Variants in ADGRL1 observed in about 807,000 individuals in gnomAD.
ADGRL1 encodes the protein adhesion G protein-coupled receptor L1, also known as CIRL-1.
Under a neutral mutation model 148.9 loss-of-function variants are expected in ADGRL1, and 31 were observed. That is an observed-to-expected ratio of 0.21 (90% CI 0.16 to 0.28). The LOEUF (loss-of-function observed/expected upper bound fraction) is 0.28, where lower values mean the gene tolerates loss of function less well. ADGRL1 is among the 10% of genes least tolerant of loss of function. ADGRL1 has a pLI of 1.00. For missense variants in ADGRL1, 1,521 were observed against 2,058.8 expected, an observed-to-expected ratio of 0.74 and a Z score of 5.05; for synonymous variants, 937 against 900.3, an observed-to-expected ratio of 1.04 and a Z score of -0.73.
intron 1 of ADGRL1, among the ~76,000 whole-genome samples, chr19:14,199,353 G>A (rs998625744): frequency 1.1e-4 from 16 of 152,124 alleles, no homozygotes; most frequent in Admixed American, 8.5e-4. Flanking sequence ...ATTCTATAGC[G>A]TACCAGTGTT....
chr19:14,151,955 C>T (rs1968243090), intron 22 of ADGRL1, among the ~76,000 whole-genome samples, 178 bp downstream of exon 22: 1 of 152,170 alleles, frequency 6.6e-6, no homozygotes, highest in Admixed American at 6.5e-5. Flanking sequence ...AGCCCAAACT[C>T]AATGAACACC....
In ADGRL1 at chr19:14,157,840, C is replaced by CA. The variant is rs768425290; in HGVS notation, c.2535+41dup. ...AGGATGCCATGCAAAGCCAGGCCAG[C>CA]AATCGGGCCTGCCTGGAGGAGCAGA... On this transcript the variant is annotated intron_variant, in intron 13 of 22. Transcript: ENST00000361434. This position sits in a 1 kb window ranked among gnomAD's most constrained non-coding sequence, Gnocchi z 7.5. The CA allele has an allele frequency of 1.2e-6, 2 of 1,604,226 alleles. No individual in the cohort carries two copies. The highest frequency in any genetic ancestry group is 2.7e-5 in the African/African-American group (2 of 74,746).
chr19:14,160,072 G>T lies in ADGRL1; in HGVS notation c.1800+40C>A. The T allele has an allele frequency of 6.5e-7, 1 of 1,533,692 alleles. No individual in the cohort carries two copies. Among genetic ancestry groups the T allele is most frequent in the Non-Finnish European group, 8.8e-7 (1 of 1,135,554 alleles). On this transcript the variant is annotated intron_variant, in intron 8 of 22. Transcript: ENST00000361434. The surrounding 1 kb of genome is among the most constrained non-coding windows in gnomAD (Gnocchi z 5.9). ...ACTTCCCAAGCCCCTGGGGGCAGGC[G>T]CCCTCCCCATACCAGGTCAGCGCCA...
Position 14,155,642 on chromosome 19 carries a change from A to G in ADGRL1, c.3126-115T>C. The G allele has an allele frequency of 9.0e-7, 1 of 1,113,762 alleles. No homozygotes were observed. 69.0% of individuals were successfully genotyped at this position (1,113,762 alleles called of 1,614,324 possible). A position where few individuals can be genotyped will look rare whatever the true frequency, so the allele number is the denominator to read the frequency against. On this transcript the variant is annotated intron_variant, in intron 17 of 22. Coordinates refer to ENST00000361434, the MANE Select transcript of ADGRL1 (RefSeq NM_014921.5). This position sits in a 1 kb window ranked among gnomAD's most constrained non-coding sequence, Gnocchi z 5.0. Reference sequence around the variant, plus strand: ...TGGGTGGGCCTGGGCACTGTCTGCAAAGCCCTGAGCGGGCCGAGTGGGCCT... The same window carrying G: ...TGGGTGGGCCTGGGCACTGTCTGCAGAGCCCTGAGCGGGCCGAGTGGGCCT...
Position 14,161,766 on chromosome 19 carries a change from G to T in ADGRL1, c.1196-140C>A. ...ACGTGCCGGGCCCCACTGGGTCTAT[G>T]AGTTGATCTCCCCTGGCCGCTCTGT... On this transcript the variant is annotated intron_variant, in intron 5 of 22. Transcript: ENST00000361434. This position sits in a 1 kb window ranked among gnomAD's most constrained non-coding sequence, Gnocchi z 4.4. The T allele has an allele frequency of 1.8e-6, 1 of 555,182 alleles. No homozygotes were observed. Among genetic ancestry groups the T allele is most frequent in the Non-Finnish European group, 2.8e-6 (1 of 351,694 alleles). The allele number at this position is 555,182 out of a possible 1,614,324, so 34.4% of individuals were successfully genotyped here.
intron 1 of ADGRL1, among the ~76,000 whole-genome samples, chr19:14,197,830 ATTTG>A (rs1972359394): frequency 6.6e-6 from 1 of 152,050 alleles, no homozygotes; most frequent in Non-Finnish European, 1.5e-5. Context: ...ATGCTTATTC[ATTTG>A]TTTAATGAAT....
At chr19:14,196,059 C>G (rs975961177) in intron 1 of ADGRL1, among the ~76,000 whole-genome samples, 10 of 152,302 alleles carry the variant, frequency 6.6e-5, no homozygotes, top group Admixed American at 2.6e-4. Context: ...TTCTCTGGTC[C>G]AGCCCCATCA....
At chr19:14,203,363 G>A (rs10401162) in intron 1 of ADGRL1, among the ~76,000 whole-genome samples, 8,817 of 152,204 alleles carry the variant, frequency 0.058, 468 homozygotes, top group African/African-American at 0.14. Flanking sequence ...GGGGATGGCA[G>A]TGCTCCCACT....
chr19:14,156,143 A>G lies in ADGRL1; in HGVS notation c.3092T>C (p.Leu1031Pro). Residue 1031 changes from leucine to proline, a missense_variant, in exon 17 of 23, where the codon CTC becomes CCC. Transcript: ENST00000361434. Reference sequence around the variant, plus strand: ...GTCCAGGCGGCTGGAGTCGGGCTTGAGCACAGATGAGCTTCGGATCATCTT... The same window carrying G: ...GTCCAGGCGGCTGGAGTCGGGCTTGGGCACAGATGAGCTTCGGATCATCTT... ...LHKMIRSSSV[L>P]KPDSSRLDNI... The G allele has an allele frequency of 6.2e-7, 1 of 1,612,270 alleles. No individual in the cohort carries two copies.
intron 1 of ADGRL1, among the ~76,000 whole-genome samples, chr19:14,184,646 AT>A (rs368698858): frequency 1.1e-4 from 11 of 97,732 alleles, no homozygotes; most frequent in African/African-American, 4.6e-4. Flanking sequence ...TTATTTATTT[AT>A]TTTTTTTTCT....
chr19:14,155,484 G>C lies in ADGRL1; in HGVS notation c.3169C>G (p.Leu1057Val), dbSNP rs941139291. The C allele has an allele frequency of 6.2e-7, 1 of 1,614,042 alleles. No individual in the cohort carries two copies. Among genetic ancestry groups the C allele is most frequent in the Non-Finnish European group, 8.5e-7 (1 of 1,179,982 alleles). The change falls in exon 18 of 23, where the codon CTC becomes GTC. Residue 1057 changes from leucine (L) to valine (V), a missense_variant. This residue lies in a region of ADGRL1 where 185 missense variants were observed against 251.7 expected (regional missense o/e 0.74). Coordinates refer to ENST00000361434, the MANE Select transcript of ADGRL1 (RefSeq NM_014921.5). The surrounding 1 kb of genome is among the most constrained non-coding windows in gnomAD (Gnocchi z 5.0). ...GAIALLFLLG[L>V]TWAFGLLFIN... is the part of the protein sequence containing the mutation. Reference sequence around the variant, plus strand: ...AAGAGGAGGCCGAAAGCCCAGGTGAGGCCCAGCAGGAACAGCAGCGCGATG... The same window carrying C: ...AAGAGGAGGCCGAAAGCCCAGGTGACGCCCAGCAGGAACAGCAGCGCGATG...
chr19:14,204,298 G>GCC (rs1479021694), intron 1 of ADGRL1, among the ~76,000 whole-genome samples: 1 of 152,074 alleles, frequency 6.6e-6, no homozygotes, highest in Admixed American at 6.6e-5. Flanking sequence ...GAAGTCACCT[G>GCC]CCCCCCAAAG....
chr19:14,191,642 C>T (rs867238466), intron 1 of ADGRL1: 1 of 371,904 alleles, frequency 2.7e-6, no homozygotes, highest in Non-Finnish European at 5.4e-6. Context: ...TATATCCTCA[C>T]AGGGCCTCTT....
intron 1 of ADGRL1, among the ~76,000 whole-genome samples, chr19:14,199,539 C>T (rs1440644467): frequency 6.6e-6 from 1 of 151,902 alleles, no homozygotes; most frequent in African/African-American, 2.4e-5. Context: ...ATCCTCCTGC[C>T]TCAGCCTCCC....
At position 14,152,947 on chromosome 19, in the gene ADGRL1, C is replaced by G. The variant is rs1297017549; in HGVS notation, c.3295-35G>C. On this transcript the variant is annotated intron_variant, in intron 18 of 22. Coordinates refer to ENST00000361434, the MANE Select transcript of ADGRL1 (RefSeq NM_014921.5). The surrounding 1 kb of genome is among the most constrained non-coding windows in gnomAD (Gnocchi z 6.1). ...GGAGGACAGTCAGCTGGCTGGGACA[C>G]TGGCCTCCTCTGTGATCCAGTCTCC... 6 of 1,608,188 alleles carry G rather than the reference C, an allele frequency of 3.7e-6. No individual in the cohort carries two copies. Among genetic ancestry groups the G allele is most frequent in the Non-Finnish European group, 5.1e-6 (6 of 1,177,710 alleles).
At chr19:14,182,622 CATCT>C (rs925820229) in intron 2 of ADGRL1, among the ~76,000 whole-genome samples, 3 of 152,140 alleles carry the variant, frequency 2.0e-5, no homozygotes, top group Non-Finnish European at 4.4e-5. Flanking sequence ...TCTGCCTCCT[CATCT>C]AATTTTAGCC....
rs968689891 is a variant in ADGRL1, at chr19:14,148,722, A to G, written c.*2151T>C. On this transcript the variant is annotated 3_prime_UTR_variant, in exon 23 of 23. Transcript: ENST00000361434. Reference sequence around the variant, plus strand: ...ATGGGTTAGGCCTTTCTACCAGAAAAAGCCAGAGTTGGAACCCAACCCCAC... The same window carrying G: ...ATGGGTTAGGCCTTTCTACCAGAAAGAGCCAGAGTTGGAACCCAACCCCAC... 1.1e-4 allele frequency: 17 copies of G among 152,660 alleles called. No individual in the cohort carries two copies. The highest frequency in any genetic ancestry group is 2.4e-4 in the African/African-American group (10 of 41,422). 9.5% of individuals were successfully genotyped at this position (152,660 alleles called of 1,614,324 possible).
rs773538387 is a variant in ADGRL1, at chr19:14,150,679, CCT to C, written c.*192_*193del. On this transcript the variant is annotated 3_prime_UTR_variant, in exon 23 of 23. Transcript: ENST00000361434. Reference sequence around the variant, plus strand: ...CTGGTGCGTGTGGCTGGTGGGAAACCCTGTCTGTGAACCCTGGCACCTCAGGC... The same window carrying C: ...CTGGTGCGTGTGGCTGGTGGGAAACCGTCTGTGAACCCTGGCACCTCAGGC... 4.2e-5 allele frequency: 26 copies of C among 624,764 alleles called. No homozygotes were observed. The highest frequency in any genetic ancestry group is 5.9e-5 in the Non-Finnish European group (22 of 371,434). 38.7% of individuals were successfully genotyped at this position (624,764 alleles called of 1,614,324 possible). A position where few individuals can be genotyped will look rare whatever the true frequency, so the allele number is the denominator to read the frequency against.
intron 1 of ADGRL1, chr19:14,191,317 C>G: frequency 2.2e-6 from 1 of 456,722 alleles, no homozygotes; most frequent in Non-Finnish European, 4.4e-6. Context: ...CCTGCCTGTG[C>G]ATCCCTTGCC....
Sources: gnomAD v4.1 joint callset for allele counts (sites outside exome capture counted in the v4.1 genomes callset) on GRCh38, gnomAD v4.1.1 for gene constraint, gnomAD v4.1.1 regional missense constraint, Gnocchi (gnomAD v3.1) non-coding constraint, MANE v1.5 for transcripts, NCBI Gene and HGNC (gene_info 2026-07-23, HGNC 2026-07-21) for gene names.